UBE2E1: variants seen among roughly 807,000 people sequenced by gnomAD.
UBE2E1 encodes ubiquitin-conjugating enzyme E2 E1.
Under a neutral mutation model 21.4 loss-of-function variants are expected in UBE2E1, and 6 were observed. The observed-to-expected ratio is 0.28, with a 90% CI of 0.15 to 0.55. The LOEUF (loss-of-function observed/expected upper bound fraction) is 0.55. UBE2E1 is among the 20% of genes least tolerant of loss of function. The pLI is 0.93. For missense variants in UBE2E1, 142 were observed against 236.5 expected (o/e 0.60, Z 2.62); for synonymous variants, 87 against 82.7 (o/e 1.05, Z -0.28).
At chr3:23,848,164 G>GA (rs1424877143) in intron 3 of UBE2E1, among the ~76,000 whole-genome samples, 3 of 152,250 alleles carry the variant, frequency 2.0e-5, no homozygotes, top group African/African-American at 7.2e-5. Context: ...TTGCTTTAAG[G>GA]AAAAACGTAT....
intron 3 of UBE2E1, chr3:23,879,380 A>T: frequency 1.8e-6 from 1 of 543,014 alleles, no homozygotes; most frequent in Admixed American, 2.1e-5. Context: ...CATGAGCTGC[A>T]GCCTGTATAA....
chr3:23,858,071 T>C (rs181766075), intron 3 of UBE2E1, among the ~76,000 whole-genome samples: 2 of 152,248 alleles, frequency 1.3e-5, no homozygotes, highest in Admixed American at 1.3e-4. Context: ...GCTGGGAGCC[T>C]GAGGACAGTT....
Position 23,847,907 on chromosome 3 carries a change from T to A in UBE2E1, c.203+36397T>A, listed in dbSNP as rs536276860. Among the ~76,000 whole-genome samples the A allele has an allele frequency of 2.3e-3, 348 of 152,350 alleles. 1 individual carries two copies. The highest frequency in any genetic ancestry group is 4.1e-3 in the Non-Finnish European group (276 of 68,032). Reference sequence around the variant, plus strand: ...CCAGCCCCAAAGGCAATAGCTGTTATCAGTTTCTTGTGCATCCTGTGTGAA... The same window carrying A: ...CCAGCCCCAAAGGCAATAGCTGTTAACAGTTTCTTGTGCATCCTGTGTGAA... On this transcript the variant is annotated intron_variant, in intron 3 of 5. Coordinates refer to ENST00000306627, the MANE Select transcript of UBE2E1 (RefSeq NM_003341.5).
At chr3:23,889,337 A>AAAACT in intron 5 of UBE2E1, 78 bp downstream of exon 5, 1 of 1,598,172 alleles carries the variant, frequency 6.3e-7, no homozygotes, top group Non-Finnish European at 8.5e-7. Context: ...TTCAAAGGAC[A>AAAACT]AAACTAATTT....
At chr3:23,832,888 A>C (rs1360611730) in intron 3 of UBE2E1, among the ~76,000 whole-genome samples, 3 of 151,650 alleles carry the variant, frequency 2.0e-5, no homozygotes, top group African/African-American at 7.3e-5. Flanking sequence ...TTTAAAAAAT[A>C]ATCCAGGTGT....
chr3:23,857,903 G>A (rs549524766), intron 3 of UBE2E1, among the ~76,000 whole-genome samples: 10 of 152,312 alleles, frequency 6.6e-5, no homozygotes, highest in African/African-American at 2.4e-4. Context: ...AGGCTGGAGT[G>A]CAGTGGTGCG....
intron 3 of UBE2E1, among the ~76,000 whole-genome samples, chr3:23,859,954 G>A (rs1490615048): frequency 1.3e-5 from 2 of 152,124 alleles, no homozygotes; most frequent in Non-Finnish European, 2.9e-5. Context: ...TAACAGTCCC[G>A]ACTGCTGGAG....
intron 3 of UBE2E1, among the ~76,000 whole-genome samples, chr3:23,818,288 C>T (rs1223161540): frequency 6.6e-6 from 1 of 152,034 alleles, no homozygotes; most frequent in Admixed American, 6.6e-5. Context: ...CTTAGTAGGT[C>T]CTCAGTAAAT....
chr3:23,814,958 C>T (rs1285939936), intron 3 of UBE2E1, among the ~76,000 whole-genome samples: 1 of 152,162 alleles, frequency 6.6e-6, no homozygotes, highest in African/African-American at 2.4e-5. Flanking sequence ...ACACTTCAAG[C>T]ATGGGTGAGA....
In UBE2E1 at chr3:23,842,240, TGTGTGTGTGG is replaced by T. The variant is rs1559482439; in HGVS notation, c.203+30731_203+30740del. Among the ~76,000 whole-genome samples, 430 of 72,246 alleles carry T rather than the reference TGTGTGTGTGG, an allele frequency of 6.0e-3. 1 individual carries two copies. The highest frequency in any genetic ancestry group is 8.5e-3 in the Non-Finnish European group (283 of 33,464). The allele number at this position is 72,246 out of a possible 152,430, so 47.4% of individuals were successfully genotyped here. On this transcript the variant is annotated intron_variant, in intron 3 of 5. Coordinates refer to ENST00000306627, the MANE Select transcript of UBE2E1 (RefSeq NM_003341.5). The surrounding 1 kb of genome is among the most constrained non-coding windows in gnomAD (Gnocchi z 4.6). ...GTGTGTGTGTGTGTGTGTGTGTGTG[TGTGTGTGTGG>T]TGTTGTTGTTGTTGGCGACAGGGTC...
At chr3:23,858,311 TATG>T (rs1484815288) in intron 3 of UBE2E1, among the ~76,000 whole-genome samples, 1 of 152,140 alleles carries the variant, frequency 6.6e-6, no homozygotes, top group African/African-American at 2.4e-5. Flanking sequence ...AATCACAAAA[TATG>T]AAGAAGTTTA....
chr3:23,846,885 T>C (rs1357143380), intron 3 of UBE2E1, among the ~76,000 whole-genome samples: 1 of 152,102 alleles, frequency 6.6e-6, no homozygotes, highest in Non-Finnish European at 1.5e-5. Flanking sequence ...TTTTTCTTTT[T>C]AAATCGATTT....
intron 3 of UBE2E1, among the ~76,000 whole-genome samples, chr3:23,869,856 A>G (rs1396378274): frequency 6.6e-6 from 1 of 151,970 alleles, no homozygotes; most frequent in Non-Finnish European, 1.5e-5. Context: ...ATTATCAGTT[A>G]TTCATTGAGG....
intron 3 of UBE2E1, among the ~76,000 whole-genome samples, chr3:23,867,101 G>A (rs1700673107): frequency 6.7e-6 from 1 of 148,600 alleles, no homozygotes; most frequent in Non-Finnish European, 1.5e-5. Context: ...GTTTTTAAAT[G>A]TATTTCTTTA....
At chr3:23,845,271 A>G (rs1203874204) in intron 3 of UBE2E1, among the ~76,000 whole-genome samples, 2 of 152,130 alleles carry the variant, frequency 1.3e-5, no homozygotes, top group South Asian at 4.1e-4. Context: ...TTACCTCAAG[A>G]TCTGTGTGTC....
At chr3:23,813,141 A>G (rs1342232292) in intron 3 of UBE2E1, among the ~76,000 whole-genome samples, 1 of 152,160 alleles carries the variant, frequency 6.6e-6, no homozygotes. Context: ...AACGTTTGGG[A>G]ATTACCTGTG....
At chr3:23,820,342 G>A (rs1011102832) in intron 3 of UBE2E1, among the ~76,000 whole-genome samples, 2 of 152,156 alleles carry the variant, frequency 1.3e-5, no homozygotes, top group Non-Finnish European at 2.9e-5. Context: ...CAGGAACTTT[G>A]CTGTATGCTA....
intron 3 of UBE2E1, 115 bp downstream of exon 3, chr3:23,811,625 C>G: frequency 2.1e-6 from 2 of 963,930 alleles, no homozygotes; most frequent in Non-Finnish European, 3.2e-6. Flanking sequence ...TGTTATGGCA[C>G]TAACATCACG....
rs533351115 is a variant in UBE2E1, at chr3:23,871,123, C to T, written c.204-16444C>T. Among the ~76,000 whole-genome samples the T allele has an allele frequency of 2.7e-3, 411 of 152,108 alleles. 3 individuals are homozygous for T. Among genetic ancestry groups the T allele is most frequent in the Admixed American group, 4.2e-3 (64 of 15,300 alleles). ...CCATCCGATTTCTCAATCTTTTCCC[C>T]GCCTTTCCCCTCTTTCTATTCCACA... On this transcript the variant is annotated intron_variant, in intron 3 of 5. Transcript: ENST00000306627.
Sources: gnomAD v4.1 joint callset for allele counts (sites outside exome capture counted in the v4.1 genomes callset) on GRCh38, gnomAD v4.1.1 for gene constraint, Gnocchi (gnomAD v3.1) non-coding constraint, MANE v1.5 for transcripts, NCBI Gene and HGNC (gene_info 2026-07-23, HGNC 2026-07-21) for gene names.